Variants in ADGRL3 observed in about 807,000 individuals in gnomAD.
ADGRL3 encodes calcium-independent alpha-latrotoxin receptor 3.
A neutral mutation model predicts 153.5 loss-of-function variants in ADGRL3; 62 were observed. The ratio of observed to expected loss-of-function variants is 0.40; its 90% CI spans 0.33 to 0.50. ADGRL3 has a LOEUF of 0.50. Among genes scored for constraint, ADGRL3 ranks in the 20% least tolerant of loss-of-function variants. The pLI, the probability that ADGRL3 is intolerant of heterozygous loss-of-function variation, is 0.47. For missense variants in ADGRL3, 1,641 were observed against 1,859.4 expected, an observed-to-expected ratio of 0.88 and a Z score of 2.16; for synonymous variants, 710 against 672.5, an observed-to-expected ratio of 1.06 and a Z score of -0.86.
intron 2 of ADGRL3, among the ~76,000 whole-genome samples, chr4:61,433,407 T>G (rs922567058): frequency 8.6e-5 from 13 of 151,998 alleles, no homozygotes; most frequent in African/African-American, 3.1e-4. Flanking sequence ...AAAGCTATAA[T>G]GTCTATGTTG....
At chr4:61,750,810 A>AAAAAAAAAAAAAAAAAAAAAAAG (rs746270309) in intron 8 of ADGRL3, among the ~76,000 whole-genome samples, 1 of 147,164 alleles carries the variant, frequency 6.8e-6, no homozygotes, top group East Asian at 2.0e-4. Context: ...AAAAAAAAAA[A>AAAAAAAAAAAAAAAAAAAAAAAG]AAGTCAAAGC....
intron 2 of ADGRL3, among the ~76,000 whole-genome samples, chr4:61,468,023 C>T (rs974547220): frequency 1.8e-4 from 28 of 152,102 alleles, no homozygotes; most frequent in African/African-American, 6.8e-4. Context: ...AACAGGCTTT[C>T]CCCTGTAGAC....
At chr4:61,863,399 G>C (rs1025077664) in intron 9 of ADGRL3, among the ~76,000 whole-genome samples, 1 of 151,182 alleles carries the variant, frequency 6.6e-6, no homozygotes, top group African/African-American at 2.4e-5. Context: ...CACTACGCCC[G>C]GCTAATTTTT....
chr4:61,729,420 C>G (rs1355600412), intron 6 of ADGRL3, among the ~76,000 whole-genome samples: 2 of 151,830 alleles, frequency 1.3e-5, no homozygotes, highest in Non-Finnish European at 2.9e-5. Flanking sequence ...ATGGTTTTGA[C>G]AATAACTGGA....
chr4:61,904,238 C>A (rs1210915421), intron 11 of ADGRL3, among the ~76,000 whole-genome samples: 4 of 143,932 alleles, frequency 2.8e-5, no homozygotes, highest in South Asian at 2.2e-4. Context: ...CAAGAGAATT[C>A]ATTAGAGATT....
At chr4:61,930,575 T>C (rs761708336) in intron 13 of ADGRL3, among the ~76,000 whole-genome samples, 4 of 152,138 alleles carry the variant, frequency 2.6e-5, no homozygotes, top group Non-Finnish European at 5.9e-5. Context: ...TTAACGAACA[T>C]ATCAGAGTTA....
intron 11 of ADGRL3, among the ~76,000 whole-genome samples, chr4:61,902,777 A>G (rs189512847): frequency 1.3e-5 from 2 of 152,280 alleles, no homozygotes; most frequent in East Asian, 1.9e-4. Flanking sequence ...CATTTCCTAA[A>G]TTATTCCCTA....
intron 6 of ADGRL3, among the ~76,000 whole-genome samples, chr4:61,682,159 A>G (rs2095350442): frequency 6.6e-6 from 1 of 152,066 alleles, no homozygotes; most frequent in African/African-American, 2.4e-5. Flanking sequence ...AATCCTCAAG[A>G]ATGATACCAG....
intron 6 of ADGRL3, among the ~76,000 whole-genome samples, chr4:61,705,401 TTATATA>T (rs2095839972): frequency 6.7e-6 from 1 of 149,640 alleles, no homozygotes; most frequent in Non-Finnish European, 1.5e-5. Context: ...TACATATTAT[TTATATA>T]TATTAGATAT....
At chr4:61,817,149 AC>A (rs34121977) in intron 9 of ADGRL3, among the ~76,000 whole-genome samples, 34,028 of 104,326 alleles carry the variant, frequency 0.33, 4,416 homozygotes, top group African/African-American at 0.44. Context: ...AGGTCTGCAG[AC>A]CCCCCCCCCC....
At chr4:61,326,944 TA>T (rs965397879) in intron 1 of ADGRL3, among the ~76,000 whole-genome samples, 7 of 152,088 alleles carry the variant, frequency 4.6e-5, no homozygotes, top group East Asian at 1.9e-4. Flanking sequence ...TTAGACAGTT[TA>T]AAAAATATTT....
Position 61,766,350 on chromosome 4 carries a change from G to A in ADGRL3, c.1399+32796G>A, listed in dbSNP as rs189287186. On this transcript the variant is annotated intron_variant, in intron 8 of 26. Coordinates refer to ENST00000683033, the MANE Select transcript of ADGRL3 (RefSeq NM_001387552.1). ...TTGAGCATAGTTTGTGATTTTGAGG[G>A]CCTCTAAAAGTATTAATGCAGCGGC... Among the ~76,000 whole-genome samples, 623 of 152,182 alleles carry A rather than the reference G, an allele frequency of 4.1e-3. 10 individuals are homozygous for A. Among genetic ancestry groups the A allele is most frequent in the Non-Finnish European group, 2.0e-3 (139 of 68,042 alleles).
intron 5 of ADGRL3, 146 bp downstream of exon 5, chr4:61,587,586 T>C: frequency 1.6e-6 from 1 of 617,324 alleles, no homozygotes; most frequent in Non-Finnish European, 2.8e-6. Context: ...CTATTCCTTG[T>C]ATCACCAAAA....
chr4:61,621,907 A>G (rs989902192), intron 5 of ADGRL3, among the ~76,000 whole-genome samples: 1 of 152,204 alleles, frequency 6.6e-6, no homozygotes, highest in Non-Finnish European at 1.5e-5. Flanking sequence ...ATTCATGTGA[A>G]GACTAAGGGT....
chr4:61,768,988 T>C (rs936800464), intron 8 of ADGRL3, among the ~76,000 whole-genome samples: 1 of 151,486 alleles, frequency 6.6e-6, no homozygotes, highest in Non-Finnish European at 1.5e-5. Context: ...AAATAAGTGA[T>C]TGGGGGGTTC....
At chr4:62,024,477 A>C (rs920713172) in intron 21 of ADGRL3, among the ~76,000 whole-genome samples, 2 of 152,146 alleles carry the variant, frequency 1.3e-5, no homozygotes, top group Non-Finnish European at 2.9e-5. Context: ...ATGGTAATAA[A>C]ATTCATAGTT....
intron 9 of ADGRL3, among the ~76,000 whole-genome samples, chr4:61,869,994 G>A (rs1223936500): frequency 1.6e-4 from 18 of 115,616 alleles, no homozygotes; most frequent in African/African-American, 3.3e-4. Flanking sequence ...GAGAGAGGGA[G>A]AGAGAGAGAG....
intron 8 of ADGRL3, among the ~76,000 whole-genome samples, chr4:61,762,365 T>C (rs1490007210): frequency 6.6e-6 from 1 of 152,166 alleles, no homozygotes; most frequent in African/African-American, 2.4e-5. Flanking sequence ...CAAATAAATC[T>C]AATGAGTTTA....
chr4:62,055,064 A>G (rs902149185), intron 25 of ADGRL3, among the ~76,000 whole-genome samples: 2 of 151,786 alleles, frequency 1.3e-5, no homozygotes, highest in Non-Finnish European at 3.0e-5. Context: ...TGTTACTTCA[A>G]TAAATTGAAA....
Sources: gnomAD v4.1 joint callset for allele counts (sites outside exome capture counted in the v4.1 genomes callset) on GRCh38, gnomAD v4.1.1 for gene constraint, MANE v1.5 for transcripts, NCBI Gene and HGNC (gene_info 2026-07-23, HGNC 2026-07-21) for gene names.